ANXA4: variants seen among roughly 807,000 people sequenced by gnomAD.
ANXA4 encodes annexin A4.
In ANXA4, 39 loss-of-function variants were observed where a neutral mutation model predicts 49.8. The ratio of observed to expected loss-of-function variants is 0.78; its 90% CI spans 0.61 to 1.02. ANXA4 has a LOEUF of 1.02. ANXA4 is among the 50% of genes least tolerant of loss of function. The pLI, the probability that ANXA4 is intolerant of heterozygous loss-of-function variation, is 0.00. For synonymous variants in ANXA4, 134 were observed against 152.5 expected (o/e 0.88, Z 0.89); for missense variants, 360 against 410.1 (o/e 0.88, Z 1.05).
chr2:69,736,127 C>T (rs1573167325), intron 3 of ANXA4, among the ~76,000 whole-genome samples: 1 of 152,166 alleles, frequency 6.6e-6, no homozygotes, highest in Non-Finnish European at 1.5e-5. Context: ...TTGAAAGTCA[C>T]ATAGCATTAC....
intron 3 of ANXA4, among the ~76,000 whole-genome samples, chr2:69,729,153 A>G (rs1273389597): frequency 6.6e-6 from 1 of 152,174 alleles, no homozygotes; most frequent in Non-Finnish European, 1.5e-5. Flanking sequence ...AGCTGGGACT[A>G]CAGGTGCAAG....
Position 69,684,309 on chromosome 2 carries a change from G to A in ANXA4, n.766+31027G>A, listed in dbSNP as rs760446696. Among the ~76,000 whole-genome samples, 34 of 152,306 alleles carry A rather than the reference G, an allele frequency of 2.2e-4. 1 individual carries two copies. Among genetic ancestry groups the A allele is most frequent in the Admixed American group, 1.8e-3 (27 of 15,294 alleles). Reference sequence around the variant, plus strand: ...CTACCATCAAATTGCCATTACATCTGCCCGAATGTACATGGGACACAGTTG... The same window carrying A: ...CTACCATCAAATTGCCATTACATCTACCCGAATGTACATGGGACACAGTTG... On this transcript the variant is annotated intron_variant and non_coding_transcript_variant, in intron 2 of 3. Transcript: ENST00000418066.
intron 2 of ANXA4, among the ~76,000 whole-genome samples, chr2:69,787,327 T>A (rs1216972320): frequency 6.6e-6 from 1 of 150,496 alleles, no homozygotes; most frequent in Non-Finnish European, 1.5e-5. Flanking sequence ...ATGTTCCTTT[T>A]CATATCTTTT....
intron 7 of ANXA4, among the ~76,000 whole-genome samples, chr2:69,812,371 G>A (rs951470780): frequency 6.6e-6 from 1 of 152,162 alleles, no homozygotes; most frequent in Non-Finnish European, 1.5e-5. Context: ...GGGGAGGCCA[G>A]GAGATAGTGG....
chr2:69,656,543 A>G (rs965109444), intron 2 of ANXA4, among the ~76,000 whole-genome samples: 82 of 140,310 alleles, frequency 5.8e-4, no homozygotes, highest in Non-Finnish European at 9.8e-4. Flanking sequence ...TTCCAAATAC[A>G]GTAGTTCCTT....
At chr2:69,777,772 C>T (rs1475456039) in intron 1 of ANXA4, among the ~76,000 whole-genome samples, 1 of 152,202 alleles carries the variant, frequency 6.6e-6, no homozygotes, top group Non-Finnish European at 1.5e-5. Context: ...TCCCTTCATT[C>T]AGGTCTTAGT....
At position 69,724,639 on chromosome 2, in the gene ANXA4, C is replaced by G. The variant is rs990997664; in HGVS notation, n.864+3768C>G. On this transcript the variant is annotated intron_variant and non_coding_transcript_variant, in intron 3 of 3. Transcript: ENST00000418066. The stretch of plus-strand genomic sequence containing the variant: ...CTTTGGTGAGTGACTAACCCACCAC[C>G]GGCAGTCCACTAGTGGAGAATTACC... Among the ~76,000 whole-genome samples the G allele has an allele frequency of 1.3e-4, 19 of 151,226 alleles. No individual in the cohort carries two copies. In the Admixed American group the frequency reaches 1.3e-3, roughly 10 times the overall value.
intron 9 of ANXA4, 85 bp from the exon 10 acceptor site, chr2:69,818,514 C>T: frequency 1.3e-6 from 1 of 799,984 alleles, no homozygotes; most frequent in Non-Finnish European, 2.0e-6. Context: ...ATAGTGTAGG[C>T]TAGTTAAAAA....
intron 2 of ANXA4, among the ~76,000 whole-genome samples, chr2:69,669,869 A>T (rs1226881648): frequency 6.6e-6 from 1 of 152,090 alleles, no homozygotes; most frequent in African/African-American, 2.4e-5. Flanking sequence ...GCTACTCAAG[A>T]TTGTAAAGAC....
chr2:69,812,515 C>T (rs1193523939), intron 7 of ANXA4, 138 bp from the exon 8 acceptor site: 12 of 660,410 alleles, frequency 1.8e-5, no homozygotes, highest in Non-Finnish European at 3.1e-5. Flanking sequence ...TAGAGGACGT[C>T]TGTCCTCCCT....
chr2:69,796,947 A>C (rs920122887), intron 3 of ANXA4, among the ~76,000 whole-genome samples: 2 of 152,148 alleles, frequency 1.3e-5, no homozygotes, highest in African/African-American at 4.8e-5. Context: ...GCCTGTGCAT[A>C]GGGGACCTTG....
rs1315249483 is a variant in ANXA4, at chr2:69,666,593, A to G, written n.766+13311A>G. ...AAAAGTGGAAACAACCAAAATGTCC[A>G]GTAACTGATGAATGGATAAACAAAA... On this transcript the variant is annotated intron_variant and non_coding_transcript_variant, in intron 2 of 3. Transcript: ENST00000418066. Among the ~76,000 whole-genome samples the G allele has an allele frequency of 4.6e-5, 7 of 152,378 alleles. No individual in the cohort carries two copies. In the East Asian group the frequency reaches 9.6e-4, roughly 21 times the overall value.
At position 69,807,993 on chromosome 2, in the gene ANXA4, C is replaced by A; in HGVS notation, c.394C>A (p.Gln132Lys). The A allele has an allele frequency of 6.2e-7, 1 of 1,614,072 alleles. No individual in the cohort carries two copies. The highest frequency in any genetic ancestry group is 8.5e-7 in the Non-Finnish European group (1 of 1,179,952). Residue 132 changes from glutamine to lysine, a missense_variant, in exon 6 of 13, where the codon CAG becomes AAG. Coordinates refer to ENST00000394295, the MANE Select transcript of ANXA4 (RefSeq NM_001153.5). ...EIRRISQTYQ[Q>K]QYGRSLEDDI... is the part of the protein sequence containing the mutation. ...CCGGCGCATAAGCCAAACCTACCAG[C>A]AGCGTACGTGACATCCGCAGTGGCC... is the stretch of plus-strand genomic sequence containing the variant.
At chr2:69,720,894 A>T (rs1669796224) in intron 3 of ANXA4, 1 of 152,278 alleles carries the variant, frequency 6.6e-6, no homozygotes, top group African/African-American at 2.4e-5. Flanking sequence ...AGACATGCAG[A>T]GCAAAGAGTT....
intron 1 of ANXA4, among the ~76,000 whole-genome samples, chr2:69,776,044 G>T (rs1671951214): frequency 6.6e-6 from 1 of 151,836 alleles, no homozygotes; most frequent in African/African-American, 2.4e-5. Context: ...TGCAATCTTG[G>T]TTCACTGCAG....
chr2:69,783,491 G>A (rs543252016), intron 2 of ANXA4, among the ~76,000 whole-genome samples: 7 of 152,138 alleles, frequency 4.6e-5, no homozygotes, highest in South Asian at 2.1e-4. Context: ...CTGGGATTAC[G>A]GGCGTGAGCC....
chr2:69,710,801 A>G (rs1006899845), intron 2 of ANXA4, among the ~76,000 whole-genome samples: 2 of 152,208 alleles, frequency 1.3e-5, no homozygotes, highest in African/African-American at 4.8e-5. Context: ...CTGGCAATAC[A>G]AAGTGTTAGC....
intron 1 of ANXA4, among the ~76,000 whole-genome samples, chr2:69,776,065 T>C (rs941462991): frequency 4.6e-5 from 7 of 152,030 alleles, no homozygotes; most frequent in Admixed American, 4.6e-4. Context: ...CCTCCACTTC[T>C]GGGGGTTCAC....
At chr2:69,816,272 C>G in intron 9 of ANXA4, 78 bp downstream of exon 9, 1 of 1,172,406 alleles carries the variant, frequency 8.5e-7, no homozygotes, top group Admixed American at 1.8e-5. Context: ...TAGTTGATAA[C>G]CTTCCTCCTT....
Sources: allele counts gnomAD v4.1 joint callset (sites outside exome capture counted in the v4.1 genomes callset), GRCh38; gene constraint gnomAD v4.1.1; transcripts MANE v1.5; gene names NCBI Gene and HGNC (gene_info 2026-07-23, HGNC 2026-07-21).